FNDC3B: variants seen among roughly 807,000 people sequenced by gnomAD.
FNDC3B encodes fibronectin type III domain containing 3B.
FNDC3B carries 12 observed loss-of-function variants against 151.5 expected under a neutral mutation model. That is an observed-to-expected ratio of 0.08 (90% confidence interval 0.05 to 0.13). The LOEUF (loss-of-function observed/expected upper bound fraction) is 0.13. Ranked by LOEUF, FNDC3B falls within the 10% of genes least tolerant of loss-of-function variation. FNDC3B has a pLI of 1.00. For synonymous variants in FNDC3B, 528 were observed against 549.0 expected (o/e 0.96, Z 0.54); for missense variants, 1,214 against 1,505.3 (o/e 0.81, Z 3.20).
intron 3 of FNDC3B, among the ~76,000 whole-genome samples, chr3:172,133,988 A>T (rs1721238052): frequency 6.6e-6 from 1 of 152,164 alleles, no homozygotes; most frequent in Admixed American, 6.5e-5. Context: ...AGAAGAAATT[A>T]TGAAAGGGCG....
intron 3 of FNDC3B, among the ~76,000 whole-genome samples, chr3:172,212,152 G>GGGAC (rs1418130066): frequency 6.6e-6 from 1 of 152,014 alleles, no homozygotes; most frequent in African/African-American, 2.4e-5. Flanking sequence ...CTAAAGCTGG[G>GGGAC]GGACTATTTT....
At chr3:172,096,119 A>T (rs992433007) in intron 1 of FNDC3B, among the ~76,000 whole-genome samples, 1 of 152,228 alleles carries the variant, frequency 6.6e-6, no homozygotes, top group African/African-American at 2.4e-5. Context: ...GCTCAGGGTT[A>T]ATTAAGTATT....
intron 1 of FNDC3B, among the ~76,000 whole-genome samples, chr3:172,050,779 G>GTA (rs1346214533): frequency 6.6e-6 from 1 of 151,350 alleles, no homozygotes; most frequent in Non-Finnish European, 1.5e-5. Context: ...TAGTGTGTGT[G>GTA]TATATATATT....
chr3:172,279,333 T>G (rs943469095), intron 6 of FNDC3B, among the ~76,000 whole-genome samples: 3 of 152,204 alleles, frequency 2.0e-5, no homozygotes, highest in African/African-American at 7.2e-5. Context: ...CCATCTCTCC[T>G]GTCCAGCTGG....
chr3:172,328,887 T>G (rs1732487575), intron 11 of FNDC3B, 65 bp from the exon 12 acceptor site: 7 of 1,290,548 alleles, frequency 5.4e-6, no homozygotes, highest in Admixed American at 2.9e-5. Context: ...CTCCTTCATT[T>G]ATTTAGGGTT....
chr3:172,237,901 G>C (rs538298254), intron 4 of FNDC3B, among the ~76,000 whole-genome samples: 27 of 152,198 alleles, frequency 1.8e-4, no homozygotes, highest in African/African-American at 6.5e-4. Context: ...TTATTTAAAG[G>C]GCTTTTAGAA....
At chr3:172,216,811 G>A (rs371962359) in intron 3 of FNDC3B, among the ~76,000 whole-genome samples, 1 of 152,214 alleles carries the variant, frequency 6.6e-6, no homozygotes, top group African/African-American at 2.4e-5. Context: ...GGGAGATTCA[G>A]CTTCACCGTC....
chr3:172,333,244 G>T, intron 14 of FNDC3B, 69 bp downstream of exon 14: 2 of 1,003,760 alleles, frequency 2.0e-6, no homozygotes, highest in Non-Finnish European at 3.2e-6. Context: ...CATTTACCAT[G>T]TCAGATTGAC....
chr3:172,322,882 T>G (rs935081019), intron 11 of FNDC3B, among the ~76,000 whole-genome samples: 4 of 152,190 alleles, frequency 2.6e-5, no homozygotes, highest in African/African-American at 9.7e-5. Context: ...GAGATCACTC[T>G]GCCTGCTCCC....
Position 172,401,088 on chromosome 3 carries a change from A to G in FNDC3B, c.*3613A>G, listed in dbSNP as rs1245863783. On this transcript the variant is annotated 3_prime_UTR_variant, in exon 26 of 26. Coordinates refer to ENST00000415807, the MANE Select transcript of FNDC3B (RefSeq NM_022763.4). ...CAGGTGCCCGCCACCACGCCCGGCT[A>G]ATTTTTTTAATTTTAGTAGAGTCGG... The G allele has an allele frequency of 2.0e-5, 3 of 152,046 alleles. No individual in the cohort carries two copies. Among genetic ancestry groups the G allele is most frequent in the Non-Finnish European group, 4.4e-5 (3 of 68,082 alleles). The allele number at this position is 152,046 out of a possible 1,614,324, so 9.4% of individuals were successfully genotyped here. A position where few individuals can be genotyped will look rare whatever the true frequency, so the allele number is the denominator to read the frequency against.
chr3:172,242,836 T>G (rs887578475), intron 4 of FNDC3B, among the ~76,000 whole-genome samples: 1 of 152,232 alleles, frequency 6.6e-6, no homozygotes, highest in Non-Finnish European at 1.5e-5. Flanking sequence ...AATGGGATTT[T>G]CTTTTCTATT....
intron 1 of FNDC3B, among the ~76,000 whole-genome samples, chr3:172,076,291 G>A (rs1355080020): frequency 6.6e-6 from 1 of 152,118 alleles, no homozygotes; most frequent in East Asian, 1.9e-4. Context: ...ATGTGTTAGG[G>A]CTATCCTTGG....
chr3:172,258,662 G>C (rs1728492810), intron 6 of FNDC3B, among the ~76,000 whole-genome samples: 1 of 152,164 alleles, frequency 6.6e-6, no homozygotes, highest in Non-Finnish European at 1.5e-5. Flanking sequence ...GGAGGGCATA[G>C]CAGCATCCAC....
In FNDC3B at chr3:172,298,602, G is replaced by A. The variant is rs1007959330; in HGVS notation, c.1002-126G>A. On this transcript the variant is annotated intron_variant, in intron 8 of 25. Transcript: ENST00000415807. ...TATCAAATAAGAAAGTTTATTTCTG[G>A]TTTATGGTGGAATCTGACATAATAG... is the stretch of plus-strand genomic sequence containing the variant. The A allele has an allele frequency of 7.7e-6, 4 of 522,700 alleles. No homozygotes were observed. In the African/African-American group the frequency reaches 7.8e-5, roughly 10 times the overall value. The allele number at this position is 522,700 out of a possible 1,614,324, so 32.4% of individuals were successfully genotyped here. A position where few individuals can be genotyped will look rare whatever the true frequency, so the allele number is the denominator to read the frequency against.
At position 172,347,302 on chromosome 3, in the gene FNDC3B, G is replaced by A. The variant is rs757930004; in HGVS notation, c.2455G>A (p.Asp819Asn). Residue 819 changes from aspartate to asparagine, a missense_variant, in exon 21 of 26, where the codon GAC (aspartate) becomes AAC (asparagine). Asp to Asn is a conservative substitution (Grantham distance 23). Coordinates refer to ENST00000415807, the MANE Select transcript of FNDC3B (RefSeq NM_022763.4). ...ESLELIYHGT[D>N]TRFEIRDLLP... ...CTTAGAACTCATTTATCATGGGACA[G>A]ACACCCGTTTTGAAATAAGAGACCT... is the stretch of plus-strand genomic sequence containing the variant. The A allele has an allele frequency of 1.2e-6, 2 of 1,614,094 alleles. No individual in the cohort carries two copies. The highest frequency in any genetic ancestry group is 1.7e-6 in the Non-Finnish European group (2 of 1,179,984).
intron 16 of FNDC3B, 171 bp downstream of exon 16, chr3:172,337,572 A>C: frequency 1.9e-6 from 1 of 534,906 alleles, no homozygotes; most frequent in African/African-American, 1.9e-5. Context: ...CAAACACAGC[A>C]CCAGAGATCA....
intron 1 of FNDC3B, among the ~76,000 whole-genome samples, chr3:172,058,425 G>A (rs1168335589): frequency 6.7e-6 from 1 of 149,752 alleles, no homozygotes; most frequent in Non-Finnish European, 1.5e-5. Flanking sequence ...CTACTGTTAT[G>A]TCCTTTAAGA....
intron 2 of FNDC3B, among the ~76,000 whole-genome samples, chr3:172,126,312 T>A (rs1427773644): frequency 6.6e-6 from 1 of 152,196 alleles, no homozygotes; most frequent in Non-Finnish European, 1.5e-5. Context: ...TCCTTTGCTC[T>A]CTGTAGAGGC....
chr3:172,225,527 T>G (rs1726519560), intron 3 of FNDC3B: 1 of 193,520 alleles, frequency 5.2e-6, no homozygotes. Flanking sequence ...AGCATCACAT[T>G]CATCTGAAGG....
Sources: gnomAD v4.1 joint callset for allele counts (sites outside exome capture counted in the v4.1 genomes callset) on GRCh38, gnomAD v4.1.1 for gene constraint, MANE v1.5 for transcripts, NCBI Gene and HGNC (gene_info 2026-07-23, HGNC 2026-07-21) for gene names.